The following CNTNAP2 variants were observed in gnomAD, a reference collection of about 807,000 sequenced individuals.
The protein encoded by CNTNAP2 is contactin associated protein 2.
CNTNAP2 carries 98 observed loss-of-function variants against 155.2 expected under a neutral mutation model. The ratio of observed to expected loss-of-function variants is 0.63; its 90% confidence interval spans 0.54 to 0.75. CNTNAP2 has a LOEUF of 0.75. CNTNAP2 is among the 30% of genes least tolerant of loss of function. CNTNAP2 has a pLI of 0.00. For synonymous variants in CNTNAP2, 651 were observed against 631.2 expected (o/e 1.03, Z -0.47); for missense variants, 1,727 against 1,688.1 (o/e 1.02, Z -0.40).
At chr7:147,245,287 G>C (rs548843982) in intron 8 of CNTNAP2, among the ~76,000 whole-genome samples, 1 of 151,764 alleles carries the variant, frequency 6.6e-6, no homozygotes. Flanking sequence ...TAAAAACCTC[G>C]GTGTAAAGTG....
intron 1 of CNTNAP2, among the ~76,000 whole-genome samples, chr7:146,518,430 T>C (rs1797571457): frequency 6.6e-6 from 1 of 151,916 alleles, no homozygotes; most frequent in African/African-American, 2.4e-5. Flanking sequence ...AATTTTTCAG[T>C]AGGCTGTTCA....
intron 3 of CNTNAP2, among the ~76,000 whole-genome samples, chr7:146,858,087 C>A (rs1247686816): frequency 6.6e-6 from 1 of 151,928 alleles, no homozygotes; most frequent in Non-Finnish European, 1.5e-5. Context: ...GTGCTAAGGG[C>A]CTTGACAGAA....
chr7:146,847,921 A>C (rs554994296), intron 3 of CNTNAP2, among the ~76,000 whole-genome samples: 13 of 152,326 alleles, frequency 8.5e-5, no homozygotes, highest in Non-Finnish European at 1.8e-4. Context: ...TAATAAATTC[A>C]CTTGATAAAG....
chr7:147,147,748 G>A (rs542938029), intron 8 of CNTNAP2, among the ~76,000 whole-genome samples: 1 of 152,160 alleles, frequency 6.6e-6, no homozygotes, highest in Non-Finnish European at 1.5e-5. Flanking sequence ...CCTTTCTATA[G>A]TAGCCGAACA....
chr7:147,802,121 TCC>T (rs1798005954), intron 13 of CNTNAP2, among the ~76,000 whole-genome samples: 1 of 134,908 alleles, frequency 7.4e-6, no homozygotes, highest in African/African-American at 2.9e-5. Context: ...GCAGAGACGC[TCC>T]TCACCTCCCA....
chr7:148,320,245 T>C (rs1797765909), intron 21 of CNTNAP2, among the ~76,000 whole-genome samples: 1 of 152,228 alleles, frequency 6.6e-6, no homozygotes, highest in Non-Finnish European at 1.5e-5. Flanking sequence ...TTGCAGAATA[T>C]GTCAGTCTCA....
chr7:146,330,113 C>T (rs1388402608), intron 1 of CNTNAP2, among the ~76,000 whole-genome samples: 26 of 148,744 alleles, frequency 1.7e-4, no homozygotes, highest in South Asian at 4.2e-4. Context: ...ACCTCCGCCT[C>T]CCGGGTTCAA....
At chr7:146,802,811 A>G (rs1563237223) in intron 2 of CNTNAP2, among the ~76,000 whole-genome samples, 2 of 152,316 alleles carry the variant, frequency 1.3e-5, no homozygotes, top group South Asian at 2.1e-4. Context: ...TAGGCTCTTC[A>G]GAATACTTTC....
intron 3 of CNTNAP2, among the ~76,000 whole-genome samples, chr7:146,931,181 T>G (rs1796748303): frequency 6.6e-6 from 1 of 151,232 alleles, no homozygotes; most frequent in Admixed American, 6.6e-5. Flanking sequence ...ACCACATAGT[T>G]GGAAGTAAAG....
At chr7:147,623,274 C>T (rs1452514340) in intron 12 of CNTNAP2, among the ~76,000 whole-genome samples, 1 of 151,846 alleles carries the variant, frequency 6.6e-6, no homozygotes, top group Non-Finnish European at 1.5e-5. Context: ...GACAAAAGAA[C>T]AAAATAAAGG....
chr7:146,411,668 G>A (rs1795866487), intron 1 of CNTNAP2, among the ~76,000 whole-genome samples: 1 of 151,914 alleles, frequency 6.6e-6, no homozygotes, highest in Non-Finnish European at 1.5e-5. Context: ...TTCCAACCGT[G>A]TTGTGTGTAG....
intron 1 of CNTNAP2, among the ~76,000 whole-genome samples, chr7:146,622,671 C>T (rs985229129): frequency 5.3e-5 from 8 of 151,980 alleles, no homozygotes; most frequent in African/African-American, 1.7e-4. Flanking sequence ...AAACGTGGAT[C>T]CCAGGCTGGG....
chr7:148,322,069 C>T (rs75668204), intron 21 of CNTNAP2, among the ~76,000 whole-genome samples: 2,451 of 151,528 alleles, frequency 0.016, 57 homozygotes, highest in African/African-American at 0.056. Context: ...TACAGGCGCA[C>T]ACCACTGCGT....
intron 1 of CNTNAP2, among the ~76,000 whole-genome samples, chr7:146,309,674 C>T (rs754625196): frequency 5.3e-5 from 8 of 151,764 alleles, no homozygotes; most frequent in African/African-American, 9.7e-5. Context: ...TGTTGGCGGG[C>T]GACTGTAATC....
chr7:147,645,296 A>C (rs1795348811), intron 13 of CNTNAP2, among the ~76,000 whole-genome samples: 1 of 152,214 alleles, frequency 6.6e-6, no homozygotes, highest in South Asian at 2.1e-4. Context: ...AATGAATTTC[A>C]AGTTATGCTG....
At chr7:148,267,730 T>C (rs941920061) in intron 21 of CNTNAP2, among the ~76,000 whole-genome samples, 2 of 151,018 alleles carry the variant, frequency 1.3e-5, no homozygotes, top group Non-Finnish European at 2.9e-5. Flanking sequence ...AAGTCAGCGA[T>C]GGTAATGGAA....
chr7:146,840,102 T>A (rs983032832), intron 3 of CNTNAP2, among the ~76,000 whole-genome samples, 198 bp downstream of exon 3: 4 of 152,186 alleles, frequency 2.6e-5, no homozygotes, highest in African/African-American at 7.2e-5. Context: ...TGATTCTAGA[T>A]CTGGACTATG....
chr7:146,794,740 A>C (rs1802738813), intron 2 of CNTNAP2, among the ~76,000 whole-genome samples: 1 of 152,234 alleles, frequency 6.6e-6, no homozygotes, highest in African/African-American at 2.4e-5. Context: ...TCAAACCACG[A>C]GAGGAATAAT....
At chr7:147,274,721 G>A (rs748606344) in intron 8 of CNTNAP2, among the ~76,000 whole-genome samples, 1 of 151,814 alleles carries the variant, frequency 6.6e-6, no homozygotes, top group Non-Finnish European at 1.5e-5. Flanking sequence ...CATTTTCTTT[G>A]AGGTTTTCAT....
Sources: gnomAD v4.1 joint callset for allele counts (sites outside exome capture counted in the v4.1 genomes callset) on GRCh38, gnomAD v4.1.1 for gene constraint, MANE v1.5 for transcripts, NCBI Gene and HGNC (gene_info 2026-07-23, HGNC 2026-07-21) for gene names.